Variants in LHPP observed in about 807,000 individuals in gnomAD.
The protein encoded by LHPP is hLHPP.
A neutral mutation model predicts 30.3 loss-of-function variants in LHPP; 24 were observed. The ratio of observed to expected loss-of-function variants is 0.79; its 90% confidence interval spans 0.57 to 1.11. The LOEUF is 1.11. Ranked by LOEUF, LHPP falls within the 50% of genes most tolerant of loss-of-function variation. LHPP has a pLI of 0.00. For synonymous variants in LHPP, 150 were observed against 157.1 expected (o/e 0.95, Z 0.34); for missense variants, 356 against 367.2 (o/e 0.97, Z 0.25).
At position 124,523,966 on chromosome 10, in the gene LHPP, C is replaced by T; in HGVS notation, c.716+6695C>T. Among the ~76,000 whole-genome samples the T allele has an allele frequency of 6.6e-6, 1 of 152,200 alleles. No homozygotes were observed. Among genetic ancestry groups the T allele is most frequent in the Non-Finnish European group, 1.5e-5 (1 of 68,040 alleles). ...TCTGGTGTAGGTGGGCACTTCTGGGCTCAGAGGGGTCATTTAGCTCACCTG... is the reference window on the plus strand; with the variant it reads ...TCTGGTGTAGGTGGGCACTTCTGGGTTCAGAGGGGTCATTTAGCTCACCTG... On this transcript the variant is annotated intron_variant, in intron 6 of 6. Transcript: ENST00000368842. This position sits in a 1 kb window ranked among gnomAD's most constrained non-coding sequence, Gnocchi z 4.2.
chr10:124,478,726 C>G lies in LHPP; in HGVS notation c.126-5413C>G, dbSNP rs1156521063. On this transcript the variant is annotated intron_variant, in intron 1 of 6. Transcript: ENST00000368842. This position sits in a 1 kb window ranked among gnomAD's most constrained non-coding sequence, Gnocchi z 4.7. Reference sequence around the variant, plus strand: ...GTTGTCACTCAGAGGCTCGTCCTGGCCTGCTGAGATGAGGTAAAGGTCAGT... The same window carrying G: ...GTTGTCACTCAGAGGCTCGTCCTGGGCTGCTGAGATGAGGTAAAGGTCAGT... 6.6e-6 allele frequency among the ~76,000 whole-genome samples: 1 copy of G among 152,138 alleles called. No homozygotes were observed. Among genetic ancestry groups the G allele is most frequent in the African/African-American group, 2.4e-5 (1 of 41,430 alleles).
At chr10:124,578,883 T>C (rs4962388) in intron 6 of LHPP, among the ~76,000 whole-genome samples, 149,679 of 152,266 alleles carry the variant, frequency 0.98, 73,595 homozygotes, top group South Asian at 1. Flanking sequence ...TAGCTTTGGC[T>C]CCACCCATCT....
At chr10:124,586,585 G>A (rs543151897) in intron 6 of LHPP, among the ~76,000 whole-genome samples, 1 of 152,334 alleles carries the variant, frequency 6.6e-6, no homozygotes, top group Non-Finnish European at 1.5e-5. Context: ...GGGACAGCCA[G>A]CAGTGTCTGT....
At chr10:124,467,120 A>T (rs901026344) in intron 1 of LHPP, among the ~76,000 whole-genome samples, 1 of 147,810 alleles carries the variant, frequency 6.8e-6, no homozygotes, top group East Asian at 2.0e-4. Context: ...TGAGACTCTA[A>T]AAAAAAAAAC....
chr10:124,462,132 A>C, intron 1 of LHPP, 145 bp downstream of exon 1: 1 of 769,252 alleles, frequency 1.3e-6, no homozygotes, highest in Non-Finnish European at 1.7e-6. Flanking sequence ...CGGTGCGCGC[A>C]CAGTGCTGAC....
chr10:124,469,329 G>A (rs1317283815), intron 1 of LHPP, among the ~76,000 whole-genome samples: 1 of 152,038 alleles, frequency 6.6e-6, no homozygotes, highest in Non-Finnish European at 1.5e-5. Flanking sequence ...TCTTCTTCTT[G>A]GATTTTCTGT....
chr10:124,612,285 A>T (rs1049427521), intron 6 of LHPP, among the ~76,000 whole-genome samples: 45 of 152,300 alleles, frequency 3.0e-4, no homozygotes, highest in Admixed American at 2.8e-3. Flanking sequence ...GGGTGCCTGT[A>T]GTCCCAGCTA....
At chr10:124,612,554 C>T (rs1949215895) in intron 6 of LHPP, among the ~76,000 whole-genome samples, 1 of 152,238 alleles carries the variant, frequency 6.6e-6, no homozygotes, top group African/African-American at 2.4e-5. Context: ...CCACAAAGTC[C>T]CCTGGCAGGG....
intron 5 of LHPP, among the ~76,000 whole-genome samples, chr10:124,506,263 A>ACCCCCCCCCCCCCCCCCCCCCT (rs539116106): frequency 1.2e-5 from 1 of 86,332 alleles, no homozygotes. Context: ...AAAACAACAA[A>ACCCCCCCCCCCCCCCCCCCCCT]CCCCCCCCCC....
chr10:124,508,429 T>A (rs1159742088), intron 5 of LHPP, among the ~76,000 whole-genome samples: 6 of 152,304 alleles, frequency 3.9e-5, no homozygotes, highest in African/African-American at 1.4e-4. Flanking sequence ...TGTCCACCGA[T>A]GCCTGGCACC....
At chr10:124,570,359 A>G (rs1478585252) in intron 6 of LHPP, among the ~76,000 whole-genome samples, 1 of 152,214 alleles carries the variant, frequency 6.6e-6, no homozygotes, top group African/African-American at 2.4e-5. Context: ...TGAGTCGGGC[A>G]CTGGGCTGGC....
chr10:124,555,750 CA>C (rs145887986), intron 6 of LHPP, among the ~76,000 whole-genome samples: 4,629 of 151,274 alleles, frequency 0.031, 232 homozygotes, highest in African/African-American at 0.1. Context: ...CTTTATTTTT[CA>C]AAAAAAAATT....
rs1471609871 is a variant in LHPP at position 124,496,631 on chromosome 10, G to A, written c.468-330G>A. 6.6e-6 allele frequency among the ~76,000 whole-genome samples: 1 copy of A among 152,234 alleles called. No homozygotes were observed. Among genetic ancestry groups the A allele is most frequent in the South Asian group, 2.1e-4 (1 of 4,838 alleles). On this transcript the variant is annotated intron_variant, in intron 3 of 6. Transcript: ENST00000368842. This position sits in a 1 kb window ranked among gnomAD's most constrained non-coding sequence, Gnocchi z 4.3. ...AGGTCACTTGTCATTCTCTGTGTTA[G>A]CAACTGAAACCGTCTGCCTTCTGGG... is the stretch of plus-strand genomic sequence containing the variant.
At chr10:124,464,305 A>G (rs1952495477) in intron 1 of LHPP, among the ~76,000 whole-genome samples, 1 of 152,206 alleles carries the variant, frequency 6.6e-6, no homozygotes, top group Admixed American at 6.5e-5. Flanking sequence ...ACTGGGACTC[A>G]ATATACCTAT....
At chr10:124,509,192 A>G (rs1195320972) in intron 5 of LHPP, among the ~76,000 whole-genome samples, 1 of 152,192 alleles carries the variant, frequency 6.6e-6, no homozygotes, top group Non-Finnish European at 1.5e-5. Flanking sequence ...TGTAGCTGCA[A>G]ACGACATGAC....
chr10:124,580,709 C>CTTTTTT (rs778114381), intron 6 of LHPP, among the ~76,000 whole-genome samples: 4 of 109,652 alleles, frequency 3.6e-5, no homozygotes, highest in African/African-American at 6.7e-5. Context: ...AGAACATTTT[C>CTTTTTT]TTTTTTTTTT....
intron 6 of LHPP, 192 bp from the exon 7 acceptor site, chr10:124,613,072 G>A: frequency 1.6e-6 from 1 of 611,622 alleles, no homozygotes; most frequent in Non-Finnish European, 3.0e-6. Context: ...GGCACAGTCA[G>A]GAGGGGCCAT....
intron 6 of LHPP, among the ~76,000 whole-genome samples, chr10:124,519,686 A>G (rs1010651995): frequency 1.3e-5 from 2 of 152,102 alleles, no homozygotes; most frequent in African/African-American, 4.8e-5. Context: ...GAGAACATAC[A>G]GTGTTTGGTT....
At chr10:124,586,516 A>G (rs997668755) in intron 6 of LHPP, among the ~76,000 whole-genome samples, 2 of 152,212 alleles carry the variant, frequency 1.3e-5, no homozygotes, top group African/African-American at 4.8e-5. Flanking sequence ...AACTCAGCAC[A>G]GAATGGAAAG....
Sources: gnomAD v4.1 joint callset for allele counts (sites outside exome capture counted in the v4.1 genomes callset) on GRCh38, gnomAD v4.1.1 for gene constraint, Gnocchi (gnomAD v3.1) non-coding constraint, MANE v1.5 for transcripts, NCBI Gene and HGNC (gene_info 2026-07-23, HGNC 2026-07-21) for gene names.